The following SPAG16 variants were observed in gnomAD, a reference collection of about 807,000 sequenced individuals.
The protein encoded by SPAG16 is sperm-associated antigen 16 protein.
SPAG16 carries 86 observed loss-of-function variants against 80.4 expected under a neutral mutation model. The ratio of observed to expected loss-of-function variants is 1.07; its 90% CI spans 0.90 to 1.28. SPAG16 has a LOEUF of 1.28. Among genes scored for constraint, SPAG16 ranks in the 50% most tolerant of loss-of-function variants. The pLI is 0.00. For missense variants in SPAG16, 870 were observed against 765.3 expected, an observed-to-expected ratio of 1.14 and a Z score of -1.61; for synonymous variants, 294 against 265.9, an observed-to-expected ratio of 1.11 and a Z score of -1.03.
chr2:214,073,543 T>A (rs983706280), intron 13 of SPAG16, among the ~76,000 whole-genome samples: 1 of 152,160 alleles, frequency 6.6e-6, no homozygotes, highest in Non-Finnish European at 1.5e-5. Context: ...CCGGATATTT[T>A]AAAAGACCTA....
At chr2:213,879,326 G>A (rs771424224) in intron 11 of SPAG16, among the ~76,000 whole-genome samples, 2 of 150,966 alleles carry the variant, frequency 1.3e-5, no homozygotes, top group Non-Finnish European at 3.0e-5. Flanking sequence ...TTCTTTCATC[G>A]GTGTTTTGTA....
intron 15 of SPAG16, among the ~76,000 whole-genome samples, chr2:214,401,617 G>A (rs1303541426): frequency 6.6e-6 from 1 of 151,870 alleles, no homozygotes; most frequent in South Asian, 2.1e-4. Context: ...GAAACGTAAT[G>A]ATGTATTTCA....
intron 11 of SPAG16, among the ~76,000 whole-genome samples, chr2:213,928,180 G>A (rs1344365397): frequency 1.3e-5 from 2 of 152,102 alleles, no homozygotes; most frequent in East Asian, 3.9e-4. Flanking sequence ...CTGCCTTCCG[G>A]GTTCAAGTGA....
At chr2:213,926,096 T>G (rs1026388829) in intron 11 of SPAG16, among the ~76,000 whole-genome samples, 1 of 152,178 alleles carries the variant, frequency 6.6e-6, no homozygotes, top group Non-Finnish European at 1.5e-5. Flanking sequence ...CATCTATCTT[T>G]TATTTCCATT....
intron 15 of SPAG16, among the ~76,000 whole-genome samples, chr2:214,355,290 T>G (rs1326798992): frequency 4.4e-5 from 5 of 114,066 alleles, no homozygotes; most frequent in African/African-American, 1.4e-4. Context: ...AGGGCTAATA[T>G]CAAGAATCTA....
At chr2:213,523,979 A>G (rs906903403) in intron 10 of SPAG16, among the ~76,000 whole-genome samples, 11 of 152,210 alleles carry the variant, frequency 7.2e-5, no homozygotes, top group African/African-American at 2.7e-4. Flanking sequence ...CTGAATGTTA[A>G]TCTCCAAGAT....
intron 15 of SPAG16, among the ~76,000 whole-genome samples, chr2:214,191,195 T>C (rs2057651272): frequency 6.6e-6 from 1 of 151,900 alleles, no homozygotes; most frequent in East Asian, 1.9e-4. Flanking sequence ...GAAGCAGGGG[T>C]CCTTCACTGA....
intron 10 of SPAG16, among the ~76,000 whole-genome samples, chr2:213,628,932 A>G (rs1288191804): frequency 1.3e-5 from 2 of 152,192 alleles, no homozygotes; most frequent in Non-Finnish European, 2.9e-5. Flanking sequence ...GTAGATGCTA[A>G]AAATGAAGAT....
At chr2:213,754,684 A>ATGAAATCTTAAATATATAACGT (rs138074351) in intron 10 of SPAG16, among the ~76,000 whole-genome samples, 1 of 152,042 alleles carries the variant, frequency 6.6e-6, no homozygotes, top group Non-Finnish European at 1.5e-5. Flanking sequence ...ATTAGTCAAA[A>ATGAAATCTTAAATATATAACGT]TGAAATAAAA....
At chr2:213,840,977 C>A (rs1448850436) in intron 10 of SPAG16, among the ~76,000 whole-genome samples, 5 of 152,178 alleles carry the variant, frequency 3.3e-5, no homozygotes, top group Admixed American at 6.5e-5. Flanking sequence ...TATTTCTCCA[C>A]ACACAGCCTC....
At chr2:213,472,067 A>C (rs1444982644) in intron 9 of SPAG16, among the ~76,000 whole-genome samples, 1 of 152,230 alleles carries the variant, frequency 6.6e-6, no homozygotes, top group African/African-American at 2.4e-5. Flanking sequence ...TCATCAGTAT[A>C]AGACATGAAT....
At chr2:213,995,429 G>T (rs1204647847) in intron 12 of SPAG16, among the ~76,000 whole-genome samples, 1 of 152,178 alleles carries the variant, frequency 6.6e-6, no homozygotes, top group African/African-American at 2.4e-5. Flanking sequence ...GCCATGAATA[G>T]CATATATGGA....
At chr2:213,842,605 C>A (rs2074415364) in intron 10 of SPAG16, among the ~76,000 whole-genome samples, 1 of 152,032 alleles carries the variant, frequency 6.6e-6, no homozygotes, top group Non-Finnish European at 1.5e-5. Context: ...TCATCTTAAA[C>A]TAGTTATTGT....
At chr2:213,319,936 G>T (rs1372334615) in intron 5 of SPAG16, among the ~76,000 whole-genome samples, 1 of 151,756 alleles carries the variant, frequency 6.6e-6, no homozygotes, top group Non-Finnish European at 1.5e-5. Flanking sequence ...ACAGTTTATG[G>T]CTATTTCTCA....
chr2:213,746,192 A>G (rs1017681501), intron 10 of SPAG16, among the ~76,000 whole-genome samples: 2 of 152,332 alleles, frequency 1.3e-5, no homozygotes, highest in Middle Eastern at 3.4e-3. Context: ...TACTTTATCC[A>G]TTAAGCCACT....
At chr2:213,891,644 A>T (rs1575472457) in intron 11 of SPAG16, among the ~76,000 whole-genome samples, 1 of 152,124 alleles carries the variant, frequency 6.6e-6, no homozygotes, top group Admixed American at 6.6e-5. Context: ...CACTTCCCCT[A>T]ACAGAAAGCC....
At chr2:214,067,795 G>T (rs1401653248) in intron 13 of SPAG16, among the ~76,000 whole-genome samples, 5 of 151,948 alleles carry the variant, frequency 3.3e-5, no homozygotes, top group African/African-American at 1.2e-4. Flanking sequence ...TGTCATTGTG[G>T]TTTCTTTATT....
At chr2:213,382,471 T>C (rs1449488652) in intron 9 of SPAG16, among the ~76,000 whole-genome samples, 1 of 152,194 alleles carries the variant, frequency 6.6e-6, no homozygotes, top group African/African-American at 2.4e-5. Context: ...TTGGGGCTTG[T>C]TATAGGCTTC....
At chr2:213,327,132 C>T (rs1429729393) in intron 5 of SPAG16, among the ~76,000 whole-genome samples, 1 of 145,584 alleles carries the variant, frequency 6.9e-6, no homozygotes, top group South Asian at 2.2e-4. Context: ...CTCTTAACAG[C>T]GTTGTACTTG....
Sources: allele counts gnomAD v4.1 joint callset (sites outside exome capture counted in the v4.1 genomes callset), GRCh38; gene constraint gnomAD v4.1.1; transcripts MANE v1.5; gene names NCBI Gene and HGNC (gene_info 2026-07-23, HGNC 2026-07-21).